Variants in ALK observed in about 807,000 individuals in gnomAD.
The protein encoded by ALK is ALK tyrosine kinase receptor.
Under a neutral mutation model 163.1 loss-of-function variants are expected in ALK, and 74 were observed. The observed-to-expected ratio is 0.45, with a 90% CI of 0.38 to 0.55. The LOEUF (loss-of-function observed/expected upper bound fraction) is 0.55, where lower values mean the gene tolerates loss of function less well. Ranked by LOEUF, ALK falls within the 20% of genes least tolerant of loss-of-function variation. The pLI, the probability that ALK is intolerant of heterozygous loss-of-function variation, is 0.00. For missense variants in ALK, 2,063 were observed against 2,105.3 expected, an observed-to-expected ratio of 0.98 and a Z score of 0.39; for synonymous variants, 960 against 843.2, an observed-to-expected ratio of 1.14 and a Z score of -2.40.
At chr2:29,713,293 A>C (rs1679160340) in intron 2 of ALK, among the ~76,000 whole-genome samples, 1 of 152,222 alleles carries the variant, frequency 6.6e-6, no homozygotes, top group African/African-American at 2.4e-5. Flanking sequence ...TTTCCAAATA[A>C]GGTCACATTC....
intron 3 of ALK, among the ~76,000 whole-genome samples, chr2:29,592,422 C>CT (rs1675087679): frequency 6.6e-6 from 1 of 152,188 alleles, no homozygotes; most frequent in Non-Finnish European, 1.5e-5. Flanking sequence ...AAGCAGGCTG[C>CT]TTGGAGTTGC....
intron 1 of ALK, among the ~76,000 whole-genome samples, chr2:29,872,976 C>T (rs1451253019): frequency 1.3e-5 from 2 of 152,194 alleles, no homozygotes; most frequent in South Asian, 2.1e-4. Context: ...GTTTAAGAGA[C>T]ACACAACATC....
At chr2:29,610,197 C>T (rs1675652598) in intron 3 of ALK, among the ~76,000 whole-genome samples, 1 of 152,156 alleles carries the variant, frequency 6.6e-6, no homozygotes, top group Non-Finnish European at 1.5e-5. Flanking sequence ...ATTTCACATG[C>T]TGCAACAGGA....
At chr2:29,824,562 GAGACACGGAGTCA>G (rs1253870303) in intron 1 of ALK, among the ~76,000 whole-genome samples, 1 of 152,244 alleles carries the variant, frequency 6.6e-6, no homozygotes, top group African/African-American at 2.4e-5. Context: ...ACCTGGATGT[GAGACACGGAGTCA>G]AGGGAGATCA....
At chr2:29,196,741 A>G (rs371829656) in intron 28 of ALK, 29 bp downstream of exon 28, 1 of 1,532,618 alleles carries the variant, frequency 6.5e-7, no homozygotes, top group Non-Finnish European at 9.0e-7. Flanking sequence ...TATAGAGTAA[A>G]TGTTGACCAA....
At chr2:29,527,809 C>T (rs1672997590) in intron 4 of ALK, among the ~76,000 whole-genome samples, 4 of 152,126 alleles carry the variant, frequency 2.6e-5, no homozygotes, top group Non-Finnish European at 4.4e-5. Context: ...GCCATTGTGC[C>T]GGGTCTGAGC....
chr2:29,751,051 C>T (rs1680351730), intron 1 of ALK, among the ~76,000 whole-genome samples: 1 of 152,024 alleles, frequency 6.6e-6, no homozygotes, highest in African/African-American at 2.4e-5. Flanking sequence ...GCCTGGGCAA[C>T]AGAGCAAGAC....
intron 9 of ALK, among the ~76,000 whole-genome samples, chr2:29,296,396 C>G (rs761296514): frequency 6.6e-6 from 1 of 152,166 alleles, no homozygotes; most frequent in South Asian, 2.1e-4. Context: ...GGCACTTCAC[C>G]GTTTTGATTC....
intron 3 of ALK, among the ~76,000 whole-genome samples, chr2:29,573,469 CAAAA>C (rs1238622113): frequency 6.6e-6 from 1 of 152,080 alleles, no homozygotes; most frequent in Non-Finnish European, 1.5e-5. Context: ...TAAAAGCAAA[CAAAA>C]GAAGACTATT....
intron 5 of ALK, among the ~76,000 whole-genome samples, chr2:29,380,246 C>T (rs1668863198): frequency 6.6e-6 from 1 of 151,964 alleles, no homozygotes; most frequent in Admixed American, 6.6e-5. Flanking sequence ...GCTGGGACTA[C>T]AGCCGCCCAC....
rs1669866519 is a variant in ALK, at chr2:29,223,503, C to T, written c.3198G>A (p.Leu1066=). The change falls in exon 20 of 29, where the codon CTG becomes CTA. Residue 1066 remains leucine, a synonymous_variant. Coordinates refer to ENST00000389048, the MANE Select transcript of ALK (RefSeq NM_004304.5). Reference sequence around the variant, plus strand: ...TCTGCAGCTCCATCTGCATGGCTTGCAGCTCCTGGTGCTTCCGGCGGTACA... The same window carrying T: ...TCTGCAGCTCCATCTGCATGGCTTGTAGCTCCTGGTGCTTCCGGCGGTACA... ...MIVYRRKHQE[L]QAMQMELQSP... is the part of the protein sequence containing the mutation. The T allele has an allele frequency of 6.2e-7, 1 of 1,614,034 alleles. No homozygotes were observed. Among genetic ancestry groups the T allele is most frequent in the Non-Finnish European group, 8.5e-7 (1 of 1,180,022 alleles).
chr2:29,649,217 TGAGA>T lies in ALK; in HGVS notation c.952+45629_952+45632del, dbSNP rs141534978. ...GTGTGTGAGAGAGAGTGTGTGTATG[TGAGA>T]GAGAGAGAGAGAGAGAGAGAGAAAG... On this transcript the variant is annotated intron_variant, in intron 3 of 28. Transcript: ENST00000389048. 1.3e-3 allele frequency among the ~76,000 whole-genome samples: 186 copies of T among 147,428 alleles called. 1 individual carries two copies. The highest frequency in any genetic ancestry group is 4.1e-3 in the South Asian group (19 of 4,618).
intron 1 of ALK, among the ~76,000 whole-genome samples, chr2:29,764,933 G>A (rs1222645826): frequency 2.0e-5 from 3 of 152,228 alleles, no homozygotes; most frequent in East Asian, 3.9e-4. Flanking sequence ...CAGATCTCCC[G>A]ATGGTGCTGT....
At chr2:29,804,992 T>A (rs1346181793) in intron 1 of ALK, among the ~76,000 whole-genome samples, 1 of 152,168 alleles carries the variant, frequency 6.6e-6, no homozygotes, top group Non-Finnish European at 1.5e-5. Flanking sequence ...AGATCTACTA[T>A]CTTGTCTGGT....
intron 1 of ALK, among the ~76,000 whole-genome samples, chr2:29,742,004 A>G (rs1680073605): frequency 6.6e-6 from 1 of 152,244 alleles, no homozygotes; most frequent in Non-Finnish European, 1.5e-5. Flanking sequence ...TGCCTCCCAC[A>G]TCAGTGAGCA....
intron 1 of ALK, among the ~76,000 whole-genome samples, chr2:29,898,162 C>T (rs1667321003): frequency 6.6e-6 from 1 of 152,218 alleles, no homozygotes; most frequent in African/African-American, 2.4e-5. Context: ...GCCACCTTCC[C>T]CAGCCCCAGG....
chr2:29,564,278 CA>C (rs1674111763), intron 3 of ALK, among the ~76,000 whole-genome samples: 2 of 152,182 alleles, frequency 1.3e-5, no homozygotes, highest in African/African-American at 4.8e-5. Flanking sequence ...AGGCCAATCT[CA>C]AGGGGTGACA....
At chr2:29,687,860 T>C (rs1473614278) in intron 3 of ALK, among the ~76,000 whole-genome samples, 2 of 152,322 alleles carry the variant, frequency 1.3e-5, no homozygotes, top group Admixed American at 6.5e-5. Context: ...ATATTTTAGG[T>C]ATACTATATT....
chr2:29,771,967 C>T (rs1303076220), intron 1 of ALK, among the ~76,000 whole-genome samples: 1 of 152,182 alleles, frequency 6.6e-6, no homozygotes. Flanking sequence ...GGAGGGGCTC[C>T]TTCAGTACCA....
Sources: gnomAD v4.1 joint callset for allele counts (sites outside exome capture counted in the v4.1 genomes callset) on GRCh38, gnomAD v4.1.1 for gene constraint, MANE v1.5 for transcripts, NCBI Gene and HGNC (gene_info 2026-07-23, HGNC 2026-07-21) for gene names.